The following LIPA variants were observed in gnomAD, a reference collection of about 807,000 sequenced individuals.
The protein encoded by LIPA is lysosomal acid lipase/cholesteryl ester hydrolase.
In LIPA, 26 loss-of-function variants were observed where a neutral mutation model predicts 40.6. The observed-to-expected ratio is 0.64, with a 90% CI of 0.47 to 0.89. The LOEUF (loss-of-function observed/expected upper bound fraction) is 0.89, where lower values mean the gene tolerates loss of function less well. Among genes scored for constraint, LIPA ranks in the 40% least tolerant of loss-of-function variants. LIPA has a pLI of 0.00. For synonymous variants in LIPA, 188 were observed against 168.4 expected (o/e 1.12, Z -0.90); for missense variants, 455 against 479.6 (o/e 0.95, Z 0.48).
In LIPA at chr10:89,402,286, A is replaced by G. The variant is rs774987794; in HGVS notation, c.61+10505T>C. ...ATCTGTTTTTGTTTTTACAGTACAA[A>G]TGGTGATGATCATCAGGTCAAGGAT... is the stretch of plus-strand genomic sequence containing the variant. On this transcript the variant is annotated intron_variant, in intron 2 of 8. Coordinates refer to the LIPA transcript ENST00000371837. The G allele has an allele frequency of 2.5e-6, 4 of 1,604,296 alleles. No individual in the cohort carries two copies. The East Asian group carries it at 8.9e-5, about 36-fold the overall frequency.
At chr10:89,275,313 T>G (rs1843284215) in intron 1 of LIPA, among the ~76,000 whole-genome samples, 1 of 152,210 alleles carries the variant, frequency 6.6e-6, no homozygotes, top group Non-Finnish European at 1.5e-5. Context: ...TCCTTCAGCA[T>G]CTCTGAATCC....
chr10:89,232,977 A>C (rs1842860490), intron 3 of LIPA, among the ~76,000 whole-genome samples: 1 of 152,242 alleles, frequency 6.6e-6, no homozygotes, highest in South Asian at 2.1e-4. Flanking sequence ...GACCACGCCT[A>C]AGGTGGCTGT....
chr10:89,371,733 A>G lies in LIPA; in HGVS notation c.61+41058T>C, dbSNP rs537468893. Among the ~76,000 whole-genome samples the G allele has an allele frequency of 2.0e-5, 3 of 152,286 alleles. No individual in the cohort carries two copies. The East Asian group carries it at 5.8e-4, about 29-fold the overall frequency. ...GTACTACTTGTAAAGATCGCCTACC[A>G]TCTGACCAGTTATTTTTACCATTGG... On this transcript the variant is annotated intron_variant, in intron 2 of 8. Coordinates refer to the LIPA transcript ENST00000371837.
At chr10:89,324,667 A>G (rs1024759175) in intron 1 of LIPA, among the ~76,000 whole-genome samples, 2 of 152,226 alleles carry the variant, frequency 1.3e-5, no homozygotes, top group African/African-American at 4.8e-5. Context: ...AAGCAAATTA[A>G]CAAGCAAAAA....
rs369626938 is a variant in LIPA, at chr10:89,228,197, T to C, written c.428+3A>G. 18 of 1,612,144 alleles carry C rather than the reference T, an allele frequency of 1.1e-5. No homozygotes were observed. The highest frequency in any genetic ancestry group is 4.0e-5 in the African/African-American group (3 of 75,012). ...ATCCATGCCATTATCAATTCATATA[T>C]ACCTGAAAGCCCAGAATTCATCCTG... On this transcript the variant is annotated splice_donor_region_variant and intron_variant, in intron 4 of 9. Transcript: ENST00000336233.
chr10:89,368,631 C>T (rs1844074341), intron 2 of LIPA, among the ~76,000 whole-genome samples: 1 of 152,020 alleles, frequency 6.6e-6, no homozygotes. Context: ...TTATTGAGCT[C>T]TCAATGTATG....
intron 1 of LIPA, chr10:89,302,249 A>G: frequency 2.0e-6 from 2 of 1,009,376 alleles, no homozygotes; most frequent in South Asian, 1.3e-5. Context: ...TAGCCTTACT[A>G]TGCCTCTACC....
chr10:89,295,874 A>G (rs1306505609), intron 1 of LIPA, among the ~76,000 whole-genome samples: 1 of 152,218 alleles, frequency 6.6e-6, no homozygotes, highest in Non-Finnish European at 1.5e-5. Flanking sequence ...CATTGCATGC[A>G]TAGTCTCACA....
intron 1 of LIPA, chr10:89,339,629 G>C (rs1485508813): frequency 1.2e-6 from 2 of 1,614,184 alleles, no homozygotes; most frequent in Non-Finnish European, 1.7e-6. Context: ...CTTGAGAAGG[G>C]ACTGAATCCT....
intron 1 of LIPA, chr10:89,307,691 G>T: frequency 4.3e-6 from 1 of 230,286 alleles, no homozygotes; most frequent in South Asian, 9.5e-5. Context: ...TACTGGGCTT[G>T]TTTCTATATT....
At chr10:89,295,397 G>C (rs1021739545) in intron 1 of LIPA, among the ~76,000 whole-genome samples, 18 of 152,168 alleles carry the variant, frequency 1.2e-4, no homozygotes, top group African/African-American at 4.3e-4. Flanking sequence ...AAAAAGCATA[G>C]AGTTTCATTT....
At chr10:89,372,645 G>A (rs190507699) in intron 2 of LIPA, among the ~76,000 whole-genome samples, 29 of 152,330 alleles carry the variant, frequency 1.9e-4, no homozygotes, top group East Asian at 5.8e-4. Context: ...AAGGAGCTTA[G>A]AGCAATGAAG....
At chr10:89,243,282 G>A (rs927379254) in intron 3 of LIPA, among the ~76,000 whole-genome samples, 1 of 152,196 alleles carries the variant, frequency 6.6e-6, no homozygotes, top group Non-Finnish European at 1.5e-5. Flanking sequence ...TCAGGAAAGC[G>A]CCTATGCAGT....
At chr10:89,290,000 GT>G (rs79194707) in intron 1 of LIPA, among the ~76,000 whole-genome samples, 47,294 of 145,114 alleles carry the variant, frequency 0.33, 8,329 homozygotes, top group East Asian at 0.67. Flanking sequence ...AAAAAAAAGG[GT>G]GGGGGGGACT....
intron 2 of LIPA, among the ~76,000 whole-genome samples, chr10:89,377,174 AAAT>A: frequency 6.6e-6 from 1 of 152,306 alleles, no homozygotes; most frequent in East Asian, 1.9e-4. Context: ...GGGATCATAT[AAAT>A]TTTTCATTAA....
intron 1 of LIPA, among the ~76,000 whole-genome samples, chr10:89,315,216 G>A (rs552218949): frequency 4.5e-4 from 69 of 152,282 alleles, no homozygotes; most frequent in Admixed American, 3.0e-3. Context: ...TGGGTATAAG[G>A]ATGGTATTTA....
intron 8 of LIPA, among the ~76,000 whole-genome samples, chr10:89,216,808 T>C (rs528057862): frequency 6.6e-6 from 1 of 152,248 alleles, no homozygotes; most frequent in Admixed American, 6.5e-5. Flanking sequence ...GACTGTATAT[T>C]TTCTATTTAC....
At chr10:89,390,380 T>C (rs1844237364) in intron 2 of LIPA, among the ~76,000 whole-genome samples, 1 of 152,184 alleles carries the variant, frequency 6.6e-6, no homozygotes, top group South Asian at 2.1e-4. Context: ...TTTTGAGATT[T>C]ACCTGGCTGA....
At chr10:89,221,337 G>A (rs2078274711) in intron 8 of LIPA, among the ~76,000 whole-genome samples, 2 of 152,068 alleles carry the variant, frequency 1.3e-5, no homozygotes, top group Admixed American at 1.3e-4. Context: ...CCTGGCAACA[G>A]AGTGAGAGTC....
Sources: gnomAD v4.1 joint callset for allele counts (sites outside exome capture counted in the v4.1 genomes callset) on GRCh38, gnomAD v4.1.1 for gene constraint, MANE v1.5 for transcripts, NCBI Gene and HGNC (gene_info 2026-07-23, HGNC 2026-07-21) for gene names.